NSMCE1: variants seen among roughly 807,000 people sequenced by gnomAD.
NSMCE1 encodes the protein non-structural maintenance of chromosomes element 1 homolog.
In NSMCE1, 18 loss-of-function variants were observed where a neutral mutation model predicts 29.6. The ratio of observed to expected loss-of-function variants is 0.61; its 90% CI spans 0.42 to 0.90. The LOEUF (loss-of-function observed/expected upper bound fraction) is 0.90, where lower values mean the gene tolerates loss of function less well. NSMCE1 is among the 40% of genes least tolerant of loss of function. The probability of loss-of-function intolerance (pLI) is 0.00; values close to 1 mark genes in which losing one functional copy is unlikely to be tolerated. For synonymous variants in NSMCE1, 124 were observed against 133.4 expected, an observed-to-expected ratio of 0.93 and a Z score of 0.49; for missense variants, 314 against 343.6, an observed-to-expected ratio of 0.91 and a Z score of 0.68.
At chr16:27,259,567 G>A (rs1461301224) in intron 1 of NSMCE1, among the ~76,000 whole-genome samples, 3 of 152,136 alleles carry the variant, frequency 2.0e-5, no homozygotes, top group Non-Finnish European at 2.9e-5. Context: ...GCATCATGGA[G>A]GTGTAGAGGA....
chr16:27,233,241 C>T, intron 4 of NSMCE1, 94 bp from the exon 5 acceptor site: 1 of 1,023,770 alleles, frequency 9.8e-7, no homozygotes, highest in Non-Finnish European at 1.5e-6. Context: ...ACAGTAAAAC[C>T]ACTCAGATCA....
Position 27,235,192 on chromosome 16 carries a change from G to C in NSMCE1, c.244C>G (p.Pro82Ala). 6.2e-7 allele frequency: 1 copy of C among 1,613,916 alleles called. No homozygotes were observed. The highest frequency in any genetic ancestry group is 1.1e-5 in the South Asian group (1 of 91,066). Residue 82 changes from proline to alanine, a missense_variant, in exon 3 of 8, where the codon CCC (proline) becomes GCC (alanine). By Grantham distance (27) the Pro-to-Ala change is conservative. Coordinates refer to ENST00000361439, the MANE Select transcript of NSMCE1 (RefSeq NM_145080.4). ...KRGVTEDDGR[P>A]IYALVNLATT... is the part of the protein sequence containing the mutation. ...CGGGCACTCACCAACGCATAAATGG[G>C]TCTCCCATCATCTTCCGTGACTCCT...
At position 27,233,027 on chromosome 16, in the gene NSMCE1, A is replaced by G; in HGVS notation, c.457T>C (p.Phe153Leu). Residue 153 changes from phenylalanine to leucine, a missense_variant, in exon 5 of 8, where the codon TTT (phenylalanine) becomes CTT (leucine). Coordinates refer to ENST00000361439, the MANE Select transcript of NSMCE1 (RefSeq NM_145080.4). The stretch of plus-strand genomic sequence containing the variant: ...TCAATCAGCCACTTGTTTTGAACAA[A>G]CTTCTGCAGCACCTGCTCCGCTTCC... Reference protein sequence around the residue: ...KKEAEQVLQKFVQNKWLIEKE... With the variant: ...KKEAEQVLQKLVQNKWLIEKE... The G allele has an allele frequency of 1.2e-6, 2 of 1,614,146 alleles. No individual in the cohort carries two copies. Among genetic ancestry groups the G allele is most frequent in the Non-Finnish European group, 1.7e-6 (2 of 1,179,996 alleles).
At chr16:27,249,991 T>A (rs951292937) in intron 2 of NSMCE1, among the ~76,000 whole-genome samples, 2 of 152,256 alleles carry the variant, frequency 1.3e-5, no homozygotes, top group Non-Finnish European at 2.9e-5. Flanking sequence ...TTGCCAGATC[T>A]ATTCCTAAGC....
intron 2 of NSMCE1, among the ~76,000 whole-genome samples, chr16:27,244,599 G>A (rs547593305): frequency 1.3e-5 from 2 of 151,936 alleles, no homozygotes; most frequent in Admixed American, 6.6e-5. Context: ...AGCGTCTCCC[G>A]CATATCTCTG....
intron 1 of NSMCE1, among the ~76,000 whole-genome samples, chr16:27,261,245 G>C (rs908902130): frequency 1.3e-5 from 2 of 149,502 alleles, no homozygotes; most frequent in Admixed American, 1.3e-4. Flanking sequence ...AATAATAAAG[G>C]GCAGAAATTA....
intron 6 of NSMCE1, chr16:27,226,106 C>T: frequency 2.7e-6 from 1 of 367,650 alleles, no homozygotes. Flanking sequence ...AACTCCTGCA[C>T]TCAGATCCTG....
intron 2 of NSMCE1, among the ~76,000 whole-genome samples, chr16:27,249,830 G>A (rs528645504): frequency 1.3e-5 from 2 of 152,212 alleles, no homozygotes; most frequent in South Asian, 2.1e-4. Context: ...GGATTTCTTT[G>A]AATCTATAGA....
intron 2 of NSMCE1, among the ~76,000 whole-genome samples, chr16:27,241,000 G>C (rs1219422150): frequency 6.6e-6 from 1 of 152,194 alleles, no homozygotes; most frequent in African/African-American, 2.4e-5. Context: ...CTTGAGCCCA[G>C]GAGTTGGAGA....
chr16:27,257,600 A>T lies in NSMCE1; in HGVS notation c.-11-19T>A. ...GAACGAACTGAAAAGGAAGTAAATG[A>T]CACTAGTCAACCCCAAGCACATCAG... is the stretch of plus-strand genomic sequence containing the variant. On this transcript the variant is annotated intron_variant, in intron 1 of 7. Coordinates refer to ENST00000361439, the MANE Select transcript of NSMCE1 (RefSeq NM_145080.4). 1 of 1,597,082 alleles carries T rather than the reference A, an allele frequency of 6.3e-7. No homozygotes were observed.
chr16:27,262,075 C>G (rs1200766257), intron 1 of NSMCE1, among the ~76,000 whole-genome samples: 1 of 152,062 alleles, frequency 6.6e-6, no homozygotes, highest in African/African-American at 2.4e-5. Context: ...GAAACTCTGT[C>G]GCTACCAAAA....
At chr16:27,265,673 A>G (rs547292569) in intron 1 of NSMCE1, among the ~76,000 whole-genome samples, 1 of 152,350 alleles carries the variant, frequency 6.6e-6, no homozygotes, top group African/African-American at 2.4e-5. Flanking sequence ...TTAAAACAAT[A>G]TAATCATCCC....
At position 27,225,196 on chromosome 16, in the gene NSMCE1, C is replaced by T. The variant is rs1471467244; in HGVS notation, c.762G>A (p.Leu254=). ...DPEKERESGV[L]KSNKKSLRSR... ...ACCGCAGGGACTTTTTGTTCGATTT[C>T]AAGACACCAGACTCCCTCTCCTTCT... Residue 254 remains leucine, a synonymous_variant, in exon 8 of 8, where the codon TTG becomes TTA. Coordinates refer to ENST00000361439, the MANE Select transcript of NSMCE1 (RefSeq NM_145080.4). 6.2e-7 allele frequency: 1 copy of T among 1,607,818 alleles called. No individual in the cohort carries two copies. Among genetic ancestry groups the T allele is most frequent in the South Asian group, 1.1e-5 (1 of 89,844 alleles).
At chr16:27,239,406 G>T (rs1596679732) in intron 2 of NSMCE1, among the ~76,000 whole-genome samples, 2 of 152,288 alleles carry the variant, frequency 1.3e-5, no homozygotes, top group Non-Finnish European at 2.9e-5. Flanking sequence ...CATGTCTGAG[G>T]ATCCTTTTGA....
chr16:27,267,380 C>T (rs965551927), intron 1 of NSMCE1, among the ~76,000 whole-genome samples: 1 of 152,156 alleles, frequency 6.6e-6, no homozygotes, highest in Non-Finnish European at 1.5e-5. Context: ...ACCTTATGAG[C>T]AAAGGGTCAC....
At chr16:27,253,794 T>A (rs993116725) in intron 2 of NSMCE1, among the ~76,000 whole-genome samples, 1 of 152,212 alleles carries the variant, frequency 6.6e-6, no homozygotes, top group African/African-American at 2.4e-5. Context: ...TATGTGTGGA[T>A]GCAAGTCCTG....
chr16:27,235,388 A>C, intron 2 of NSMCE1, 89 bp from the exon 3 acceptor site: 1 of 1,449,862 alleles, frequency 6.9e-7, no homozygotes, highest in Non-Finnish European at 9.5e-7. Flanking sequence ...TCCCATCTCA[A>C]CGCAGGGGAC....
At chr16:27,253,918 A>T (rs2084059389) in intron 2 of NSMCE1, among the ~76,000 whole-genome samples, 1 of 152,212 alleles carries the variant, frequency 6.6e-6, no homozygotes, top group Non-Finnish European at 1.5e-5. Flanking sequence ...ACTAGCCAGG[A>T]GAATTGGGGA....
At chr16:27,250,844 T>A (rs1375775941) in intron 2 of NSMCE1, among the ~76,000 whole-genome samples, 1 of 43,414 alleles carries the variant, frequency 2.3e-5, no homozygotes, top group Non-Finnish European at 4.4e-5. Flanking sequence ...ATTTTAACTG[T>A]TTTTTTTTTT....
Sources: allele counts gnomAD v4.1 joint callset (sites outside exome capture counted in the v4.1 genomes callset), GRCh38; gene constraint gnomAD v4.1.1; transcripts MANE v1.5; gene names NCBI Gene and HGNC (gene_info 2026-07-23, HGNC 2026-07-21).